The following SCLT1 variants were observed in gnomAD, a reference collection of about 807,000 sequenced individuals.
SCLT1 encodes the protein sodium channel and clathrin linker 1.
SCLT1 carries 78 observed loss-of-function variants against 112.8 expected under a neutral mutation model. The observed-to-expected ratio is 0.69, with a 90% CI of 0.58 to 0.83. The LOEUF is 0.83. Ranked by LOEUF, SCLT1 falls within the 40% of genes least tolerant of loss-of-function variation. SCLT1 has a pLI of 0.00. For synonymous variants in SCLT1, 257 were observed against 254.7 expected (o/e 1.01, Z -0.09); for missense variants, 747 against 770.4 (o/e 0.97, Z 0.36).
Position 128,935,533 on chromosome 4 carries a change from A to C in SCLT1, c.1829+1122T>G, listed in dbSNP as rs543393496. ...AAGTTCCTTAACCTCCTTTGGCCTC[A>C]GTTTGGCTATCTGTAAAACATGATT... On this transcript the variant is annotated intron_variant, in intron 18 of 20. Transcript: ENST00000281142. Among the ~76,000 whole-genome samples the C allele has an allele frequency of 1.8e-4, 27 of 152,144 alleles. No individual in the cohort carries two copies. In the South Asian group the frequency reaches 5.6e-3, roughly 32 times the overall value.
intron 9 of SCLT1, among the ~76,000 whole-genome samples, chr4:128,977,600 G>A (rs1466686537): frequency 6.6e-6 from 1 of 152,152 alleles, no homozygotes; most frequent in African/African-American, 2.4e-5. Flanking sequence ...AAATATCTGA[G>A]CTACGACCTA....
At chr4:129,029,987 C>G (rs1746551272) in intron 5 of SCLT1, among the ~76,000 whole-genome samples, 1 of 152,108 alleles carries the variant, frequency 6.6e-6, no homozygotes, top group Admixed American at 6.6e-5. Flanking sequence ...GAACTCTACA[C>G]CCCACATCAA....
chr4:129,010,861 T>C (rs1482014323), intron 5 of SCLT1, among the ~76,000 whole-genome samples: 2 of 152,206 alleles, frequency 1.3e-5, no homozygotes, highest in Non-Finnish European at 2.9e-5. Context: ...AATCCTGCCA[T>C]CTGCAAATAC....
intron 17 of SCLT1, among the ~76,000 whole-genome samples, chr4:128,940,674 T>C (rs1488647311): frequency 2.0e-5 from 3 of 151,966 alleles, no homozygotes; most frequent in African/African-American, 7.2e-5. Flanking sequence ...ATTTTAAAAT[T>C]CATAAATAAA....
chr4:129,091,784 G>T (rs1752846003), intron 1 of SCLT1, among the ~76,000 whole-genome samples: 1 of 152,110 alleles, frequency 6.6e-6, no homozygotes, highest in African/African-American at 2.4e-5. Context: ...TTATATAAAT[G>T]AGAAAACTGA....
chr4:128,952,785 A>C lies in SCLT1; in HGVS notation c.1202T>G (p.Leu401Arg). The C allele has an allele frequency of 6.4e-7, 1 of 1,563,348 alleles. No homozygotes were observed. Residue 401 changes from leucine to arginine, a missense_variant, in exon 14 of 21, where the codon CTT becomes CGT. By Grantham distance (102) the Leu-to-Arg change is moderately radical. Around this residue, in one of 2 missense-constraint regions of SCLT1, gnomAD observed 723 missense variants for 721.3 expected, o/e 1.00. Transcript: ENST00000281142. ...CAAACATACCATTTGAAGGGCTGAA[A>C]GTTCTTCTGTTAATCGAGAAATTTG... ...NIQISRLTEE[L>R]SALQMECAEK...
chr4:128,997,063 C>A (rs948735796), intron 8 of SCLT1: 1 of 151,816 alleles, frequency 6.6e-6, no homozygotes, highest in Non-Finnish European at 1.5e-5. Flanking sequence ...TTTTAAAACT[C>A]TAAGAAGTAT....
At chr4:129,015,364 G>A (rs950879231) in intron 5 of SCLT1, among the ~76,000 whole-genome samples, 21 of 152,122 alleles carry the variant, frequency 1.4e-4, no homozygotes, top group Admixed American at 3.9e-4. Context: ...CACAAGCTAT[G>A]ATGTGGCTCC....
chr4:128,912,574 G>C (rs1426989249), intron 18 of SCLT1, among the ~76,000 whole-genome samples: 1 of 151,938 alleles, frequency 6.6e-6, no homozygotes, highest in African/African-American at 2.4e-5. Context: ...CCAAAAAGGA[G>C]GGATACAATT....
intron 5 of SCLT1, among the ~76,000 whole-genome samples, chr4:129,019,480 G>A (rs1745262489): frequency 6.6e-6 from 1 of 152,138 alleles, no homozygotes; most frequent in Non-Finnish European, 1.5e-5. Flanking sequence ...GGAAAAGGGG[G>A]ATAGTTAGTG....
intron 14 of SCLT1, among the ~76,000 whole-genome samples, chr4:128,951,496 C>T (rs773551810): frequency 6.6e-5 from 10 of 152,098 alleles, no homozygotes; most frequent in Non-Finnish European, 1.3e-4. Context: ...CAGCTAACAA[C>T]GATTTGAAAA....
At position 129,035,727 on chromosome 4, in the gene SCLT1, G is replaced by GA. The variant is rs1747122683; in HGVS notation, c.290+3313dup. Among the ~76,000 whole-genome samples, 3 of 151,626 alleles carry GA rather than the reference G, an allele frequency of 2.0e-5. No homozygotes were observed. In the South Asian group the frequency reaches 6.2e-4, roughly 31 times the overall value. On this transcript the variant is annotated intron_variant, in intron 5 of 20. Transcript: ENST00000281142. The stretch of plus-strand genomic sequence containing the variant: ...TTCCTCTGGAAAGCTATGAGAGGAG[G>GA]AAAAAATAGTATTGAGAAAGAAACA...
At chr4:128,919,307 T>C (rs1358449300) in intron 18 of SCLT1, among the ~76,000 whole-genome samples, 1 of 152,134 alleles carries the variant, frequency 6.6e-6, no homozygotes, top group South Asian at 2.1e-4. Context: ...TTAAACAACC[T>C]GCCCCTGAAT....
At chr4:128,970,602 G>A (rs574879816) in intron 9 of SCLT1, 134 bp from the exon 10 acceptor site, 16 of 612,070 alleles carry the variant, frequency 2.6e-5, no homozygotes, top group African/African-American at 3.7e-5. Context: ...AATAAATTTT[G>A]GAAGATTCCT....
intron 10 of SCLT1, 147 bp from the exon 11 acceptor site, chr4:128,965,465 G>A: frequency 1.6e-6 from 1 of 628,652 alleles, no homozygotes; most frequent in East Asian, 2.9e-5. Flanking sequence ...TATGACTTTG[G>A]AAACAAATCA....
At chr4:129,065,468 T>G (rs1750395167) in intron 2 of SCLT1, among the ~76,000 whole-genome samples, 1 of 152,076 alleles carries the variant, frequency 6.6e-6, no homozygotes, top group Non-Finnish European at 1.5e-5. Flanking sequence ...GTAAAGGGCC[T>G]GACCATAAAT....
chr4:128,887,954 G>T (rs1012277127), intron 20 of SCLT1, among the ~76,000 whole-genome samples: 1 of 152,104 alleles, frequency 6.6e-6, no homozygotes, highest in African/African-American at 2.4e-5. Context: ...ATCTGTTAGT[G>T]AATCTCTGCC....
intron 3 of SCLT1, 57 bp from the exon 4 acceptor site, chr4:129,043,524 A>G: frequency 1.3e-6 from 1 of 742,626 alleles, no homozygotes. Context: ...TAATAAATAT[A>G]TAACAAGTGA....
intron 18 of SCLT1, among the ~76,000 whole-genome samples, chr4:128,934,613 T>C (rs1362013501): frequency 6.6e-6 from 1 of 151,944 alleles, no homozygotes. Context: ...TGTTTTTTGA[T>C]GTAATTATAA....
Sources: allele counts gnomAD v4.1 joint callset (sites outside exome capture counted in the v4.1 genomes callset), GRCh38; gene constraint gnomAD v4.1.1; regional missense constraint gnomAD v4.1.1; transcripts MANE v1.5; gene names NCBI Gene and HGNC (gene_info 2026-07-23, HGNC 2026-07-21).